The following BLACAT1 variants were observed in gnomAD, a reference collection of about 807,000 sequenced individuals.
The protein encoded by BLACAT1 is BLACAT1 overlapping LEMD1 locus.
At chr1:205,449,145 C>T (rs1367104832) in intron 1 of BLACAT1, among the ~76,000 whole-genome samples, 2 of 152,146 alleles carry the variant, frequency 1.3e-5, no homozygotes, top group African/African-American at 4.8e-5. Context: ...TGCGCAGTGC[C>T]CTGCCGCTCT....
Position 205,450,432 on chromosome 1 carries a change from C to T in BLACAT1, c.-37+5485G>A, listed in dbSNP as rs1315195148. Among the ~76,000 whole-genome samples the T allele has an allele frequency of 6.8e-6, 1 of 147,776 alleles. No homozygotes were observed. Among genetic ancestry groups the T allele is most frequent in the Non-Finnish European group, 1.5e-5 (1 of 66,888 alleles). ...GAGACCTGAGACGGCTCCCTGCAGG[C>T]CCCCCTCTCCTGCCTGGCCCCCCTC... On this transcript the variant is annotated intron_variant, in intron 1 of 1. Coordinates refer to ENST00000629624, the Ensembl canonical transcript of BLACAT1. The surrounding 1 kb of genome is among the most constrained non-coding windows in gnomAD (Gnocchi z 4.4).
At chr1:205,449,906 G>A (rs1037418144) in intron 1 of BLACAT1, 126 of 152,734 alleles carry the variant, frequency 8.2e-4, no homozygotes, top group Non-Finnish European at 1.1e-3. Flanking sequence ...CTCGCAGTCC[G>A]CCTCACAATT....
rs897505507 is a variant in BLACAT1, at chr1:205,449,645, A to G, written c.-37+6272T>C. ...CCTCCACACACTCCAGACATGCCCA[A>G]CCTTCAGGGCCAAACAACCAGGCAT... On this transcript the variant is annotated intron_variant, in intron 1 of 1. Coordinates refer to ENST00000629624, the Ensembl canonical transcript of BLACAT1. 5.9e-5 allele frequency among the ~76,000 whole-genome samples: 9 copies of G among 151,998 alleles called. 1 individual carries two copies. Among genetic ancestry groups the G allele is most frequent in the African/African-American group, 2.2e-4 (9 of 41,386 alleles).
chr1:205,436,699 G>A (rs564635287), downstream of BLACAT1: 3 of 152,280 alleles, frequency 2.0e-5, no homozygotes, highest in Admixed American at 2.0e-4. Flanking sequence ...GGTTCTTGTG[G>A]TACTGTCAGC....
chr1:205,436,059 C>G (rs1480836789), downstream of BLACAT1: 4 of 152,278 alleles, frequency 2.6e-5, no homozygotes, highest in African/African-American at 9.7e-5. Flanking sequence ...GCCATGGCAA[C>G]AGAGGCTGGG....
At position 205,450,120 on chromosome 1, in the gene BLACAT1, G is replaced by T. The variant is rs1267408149; in HGVS notation, c.-37+5797C>A. ...GAGGACGGTGGGGGTGGGGGTGGGG[G>T]CGGGCTGGGCAGGCGGGGCAGCCAG... On this transcript the variant is annotated intron_variant, in intron 1 of 1. Coordinates refer to ENST00000629624, the Ensembl canonical transcript of BLACAT1. This position sits in a 1 kb window ranked among gnomAD's most constrained non-coding sequence, Gnocchi z 4.4. Among the ~76,000 whole-genome samples the T allele has an allele frequency of 6.6e-6, 1 of 152,168 alleles. No homozygotes were observed. Among genetic ancestry groups the T allele is most frequent in the East Asian group, 1.9e-4 (1 of 5,140 alleles).
rs1235869962 is a variant in BLACAT1 at position 205,450,801 on chromosome 1, G to A, written c.-37+5116C>T. Among the ~76,000 whole-genome samples the A allele has an allele frequency of 6.6e-6, 1 of 152,190 alleles. No homozygotes were observed. The highest frequency in any genetic ancestry group is 1.5e-5 in the Non-Finnish European group (1 of 68,028). ...GAGGGACTGGGCTGGGGATGGAGGT[G>A]GGGACAGCCATCATGTCTCAGGCTG... On this transcript the variant is annotated intron_variant, in intron 1 of 1. Transcript: ENST00000629624. This position sits in a 1 kb window ranked among gnomAD's most constrained non-coding sequence, Gnocchi z 4.4.
intron 1 of BLACAT1, among the ~76,000 whole-genome samples, chr1:205,446,094 G>A (rs1666383768): frequency 6.6e-6 from 1 of 152,228 alleles, no homozygotes. Context: ...CAGGGGACAG[G>A]ACACACACAG....
At position 205,453,838 on chromosome 1, in the gene BLACAT1, TA is replaced by T; in HGVS notation, c.-37+2078del. Among the ~76,000 whole-genome samples the T allele has an allele frequency of 3.3e-5, 5 of 152,236 alleles. 1 individual carries two copies. The highest frequency in any genetic ancestry group is 3.3e-4 in the Admixed American group (5 of 15,294). ...GGCCACAGTTTTGCCTCTCAGCCAATAAAGCTGTTAAAGAAAAATATAAGAA... is the reference window on the plus strand; with the variant it reads ...GGCCACAGTTTTGCCTCTCAGCCAATAAGCTGTTAAAGAAAAATATAAGAA... On this transcript the variant is annotated intron_variant, in intron 1 of 1. Transcript: ENST00000629624.
chr1:205,436,675 A>C (rs1666212863), downstream of BLACAT1: 1 of 152,164 alleles, frequency 6.6e-6, no homozygotes, highest in African/African-American at 2.4e-5. Flanking sequence ...CCTTGGGAAC[A>C]GATTCTGTTT....
chr1:205,442,962 A>T (rs1038819258), intron 1 of BLACAT1, among the ~76,000 whole-genome samples: 1 of 152,050 alleles, frequency 6.6e-6, no homozygotes, highest in East Asian at 1.9e-4. Flanking sequence ...TCATTACCTC[A>T]TTTCAGTGTA....
At chr1:205,438,557 G>A (rs779421824), downstream of BLACAT1, among the ~76,000 whole-genome samples, 18 of 152,246 alleles carry the variant, frequency 1.2e-4, no homozygotes, top group Non-Finnish European at 5.9e-5. Flanking sequence ...AAGGAGCAAA[G>A]TCCCCATTTT....
Position 205,448,827 on chromosome 1 carries a change from T to C in BLACAT1, c.-37+7090A>G, listed in dbSNP as rs1448038228. Among the ~76,000 whole-genome samples, 2 of 152,118 alleles carry C rather than the reference T, an allele frequency of 1.3e-5. No homozygotes were observed. Among genetic ancestry groups the C allele is most frequent in the Non-Finnish European group, 2.9e-5 (2 of 68,004 alleles). On this transcript the variant is annotated intron_variant, in intron 1 of 1. Transcript: ENST00000629624. This position sits in a 1 kb window ranked among gnomAD's most constrained non-coding sequence, Gnocchi z 4.7. ...TCCCTCTTTACAAAGCTTAACTCTT[T>C]CTAGTCCAGCCACTGGAAGCACAGA... is the stretch of plus-strand genomic sequence containing the variant.
chr1:205,434,979 T>G (rs1289621342), downstream of BLACAT1: 1 of 152,174 alleles, frequency 6.6e-6, no homozygotes, highest in Non-Finnish European at 1.5e-5. Flanking sequence ...TCCAGGTGCA[T>G]AGATTCGGGA....
chr1:205,454,729 T>A (rs903631640), intron 1 of BLACAT1, among the ~76,000 whole-genome samples: 2 of 152,028 alleles, frequency 1.3e-5, no homozygotes, highest in Admixed American at 6.6e-5. Flanking sequence ...TAGAGGACAA[T>A]CCCTTTCCCC....
intron 1 of BLACAT1, among the ~76,000 whole-genome samples, chr1:205,442,265 G>A (rs12403847): frequency 6.6e-6 from 1 of 151,984 alleles, no homozygotes; most frequent in African/African-American, 2.4e-5. Context: ...AGGGCTATGC[G>A]GAAGGGGTTT....
At chr1:205,435,864 C>G (rs947551611), downstream of BLACAT1, 1 of 152,234 alleles carries the variant, frequency 6.6e-6, no homozygotes, top group Non-Finnish European at 1.5e-5. Flanking sequence ...CCCTGTTAAA[C>G]AGTTCCCCCT....
intron 1 of BLACAT1, among the ~76,000 whole-genome samples, chr1:205,446,942 G>C (rs893616701): frequency 1.3e-5 from 2 of 152,200 alleles, no homozygotes; most frequent in Non-Finnish European, 1.5e-5. Flanking sequence ...CGCTCCCCCC[G>C]ACCTCCTGTG....
At chr1:205,453,084 G>C (rs960308654) in intron 1 of BLACAT1, among the ~76,000 whole-genome samples, 1 of 152,128 alleles carries the variant, frequency 6.6e-6, no homozygotes, top group Non-Finnish European at 1.5e-5. Context: ...ACTCACATGG[G>C]GGTGGGAAGG....
Sources: allele counts gnomAD v4.1 joint callset (sites outside exome capture counted in the v4.1 genomes callset), GRCh38; gene constraint gnomAD v4.1.1; non-coding constraint Gnocchi (gnomAD v3.1); transcripts MANE v1.5; gene names NCBI Gene and HGNC (gene_info 2026-07-23, HGNC 2026-07-21).